The following GABPB1 variants were observed in gnomAD, a reference collection of about 807,000 sequenced individuals.
The protein encoded by GABPB1 is GA-binding protein subunit beta-1.
GABPB1 carries 15 observed loss-of-function variants against 45.9 expected under a neutral mutation model. The ratio of observed to expected loss-of-function variants is 0.33; its 90% confidence interval spans 0.22 to 0.50. The LOEUF is 0.50. GABPB1 is among the 20% of genes least tolerant of loss of function. The probability of loss-of-function intolerance (pLI) is 0.98; values close to 1 mark genes in which losing one functional copy is unlikely to be tolerated. For synonymous variants in GABPB1, 143 were observed against 154.4 expected (o/e 0.93, Z 0.55); for missense variants, 252 against 457.5 (o/e 0.55, Z 4.10).
intron 1 of GABPB1, among the ~76,000 whole-genome samples, chr15:50,328,606 A>G (rs796551009): frequency 3.9e-5 from 6 of 152,346 alleles, no homozygotes; most frequent in African/African-American, 9.6e-5. Context: ...TACTAAGAAT[A>G]ATAGCTAGGT....
At chr15:50,328,152 G>A (rs188380142) in intron 1 of GABPB1, among the ~76,000 whole-genome samples, 93 of 150,884 alleles carry the variant, frequency 6.2e-4, no homozygotes, top group African/African-American at 2.0e-3. Context: ...ATGTGTGTTT[G>A]TGTGTTTGAT....
Position 50,275,969 on chromosome 15 carries a change from G to C in GABPB1, c.*2663C>G, listed in dbSNP as rs970562537. On this transcript the variant is annotated 3_prime_UTR_variant, in exon 9 of 9. Transcript: ENST00000380877. ...CTGAATAAAGTAATTGGGCAGTCAAGATGCCTAACGAACTCAGTGTCTGGA... is the reference window on the plus strand; with the variant it reads ...CTGAATAAAGTAATTGGGCAGTCAACATGCCTAACGAACTCAGTGTCTGGA... The C allele has an allele frequency of 1.3e-5, 2 of 152,182 alleles. No individual in the cohort carries two copies. The highest frequency in any genetic ancestry group is 1.3e-4 in the Admixed American group (2 of 15,284). 9.4% of individuals were successfully genotyped at this position (152,182 alleles called of 1,614,324 possible).
At chr15:50,301,496 T>A in intron 4 of GABPB1, 128 bp from the exon 5 acceptor site, 1 of 858,954 alleles carries the variant, frequency 1.2e-6, no homozygotes, top group Non-Finnish European at 1.8e-6. Flanking sequence ...AGTGGAAATA[T>A]TTGTCTAAGG....
In GABPB1 at chr15:50,346,165, G is replaced by GA. The variant is rs138447604; in HGVS notation, c.-1+8819dup. On this transcript the variant is annotated intron_variant, in intron 1 of 8. Coordinates refer to ENST00000380877, the MANE Select transcript of GABPB1 (RefSeq NM_016654.5). ...AACAGTGATTTGTCATGGTTACAATGAAAAAAAAATGTGCAAGCTTGTACC... is the reference window on the plus strand; with the variant it reads ...AACAGTGATTTGTCATGGTTACAATGAAAAAAAAAATGTGCAAGCTTGTACC... Among the ~76,000 whole-genome samples the GA allele has an allele frequency of 9.4e-3, 1,411 of 150,564 alleles. 8 individuals are homozygous for GA. The highest frequency in any genetic ancestry group is 0.015 in the African/African-American group (616 of 41,118).
In GABPB1 at chr15:50,277,617, CA is replaced by C. The variant is rs1168056073; in HGVS notation, c.*1014del. 6.6e-6 allele frequency: 1 copy of C among 152,552 alleles called. No homozygotes were observed. Among genetic ancestry groups the C allele is most frequent in the African/African-American group, 2.4e-5 (1 of 41,448 alleles). The allele number at this position is 152,552 out of a possible 1,614,324, so 9.4% of individuals were successfully genotyped here. A position where few individuals can be genotyped will look rare whatever the true frequency, so the allele number is the denominator to read the frequency against. On this transcript the variant is annotated 3_prime_UTR_variant, in exon 9 of 9. Coordinates refer to ENST00000380877, the MANE Select transcript of GABPB1 (RefSeq NM_016654.5). Reference sequence around the variant, plus strand: ...ATACAAAAAGTTCCTGTTCTACATACAAAAGCAATTTTTTTCCGTAAGAATC... The same window carrying C: ...ATACAAAAAGTTCCTGTTCTACATACAAAGCAATTTTTTTCCGTAAGAATC...
intron 1 of GABPB1, chr15:50,354,213 C>T: frequency 2.9e-6 from 1 of 339,832 alleles, no homozygotes; most frequent in South Asian, 2.1e-5. Context: ...TGGCAAAATT[C>T]TCAACTTCTT....
chr15:50,338,229 G>A (rs1277549382), intron 1 of GABPB1, among the ~76,000 whole-genome samples: 13 of 151,814 alleles, frequency 8.6e-5, no homozygotes, highest in African/African-American at 2.2e-4. Context: ...TAGTACAGAC[G>A]GGGTTTCACC....
chr15:50,319,820 AGAGT>A (rs2047494467), intron 1 of GABPB1, among the ~76,000 whole-genome samples: 1 of 151,900 alleles, frequency 6.6e-6, no homozygotes. Flanking sequence ...CCCAGGCGAC[AGAGT>A]GAGACTCCGT....
intron 1 of GABPB1, among the ~76,000 whole-genome samples, chr15:50,311,093 T>C (rs939780298): frequency 6.6e-6 from 1 of 152,160 alleles, no homozygotes; most frequent in Non-Finnish European, 1.5e-5. Flanking sequence ...TATTTGTGTC[T>C]TCTTGAATAA....
Position 50,336,353 on chromosome 15 carries a change from C to CAAAA in GABPB1, c.-1+18628_-1+18631dup, listed in dbSNP as rs1178314012. 2.6e-5 allele frequency among the ~76,000 whole-genome samples: 3 copies of CAAAA among 115,888 alleles called. 1 individual carries two copies. The highest frequency in any genetic ancestry group is 2.7e-4 in the South Asian group (1 of 3,730). 76.0% of individuals were successfully genotyped at this position (115,888 alleles called of 152,430 possible). A position where few individuals can be genotyped will look rare whatever the true frequency, so the allele number is the denominator to read the frequency against. Reference sequence around the variant, plus strand: ...TGGGCAACAGAGCGAGACTCTGTCCCAAAAAAAAAAAAAAAAAAATTATTT... The same window carrying CAAAA: ...TGGGCAACAGAGCGAGACTCTGTCCCAAAAAAAAAAAAAAAAAAAAAAATTATTT... On this transcript the variant is annotated intron_variant, in intron 1 of 8. Transcript: ENST00000380877.
At chr15:50,337,075 G>GTGTATATATATATATA (rs1283881585) in intron 1 of GABPB1, among the ~76,000 whole-genome samples, 2 of 14,206 alleles carry the variant, frequency 1.4e-4, no homozygotes, top group African/African-American at 2.9e-4. Context: ...ATATGTGTGT[G>GTGTATATATATATATA]TATATATATA....
chr15:50,344,812 T>G (rs928465428), intron 1 of GABPB1, among the ~76,000 whole-genome samples: 2 of 152,070 alleles, frequency 1.3e-5, no homozygotes, highest in Admixed American at 6.6e-5. Context: ...CACTCCAGCT[T>G]GGGCAACAAG....
chr15:50,338,633 C>T (rs1471251912), intron 1 of GABPB1, among the ~76,000 whole-genome samples: 2 of 151,952 alleles, frequency 1.3e-5, no homozygotes, highest in East Asian at 3.9e-4. Context: ...ACCACCATGC[C>T]CAACTAATTT....
At chr15:50,300,191 A>G (rs2046677752) in intron 6 of GABPB1, among the ~76,000 whole-genome samples, 1 of 152,138 alleles carries the variant, frequency 6.6e-6, no homozygotes. Flanking sequence ...TGTGAGCCAC[A>G]CAAGTTTTGT....
intron 1 of GABPB1, among the ~76,000 whole-genome samples, chr15:50,344,833 C>T (rs934587114): frequency 7.3e-5 from 11 of 151,692 alleles, no homozygotes; most frequent in African/African-American, 1.9e-4. Context: ...AATGAAACTC[C>T]GTCTCAAAAA....
At chr15:50,341,922 T>TC (rs2048388415) in intron 1 of GABPB1, among the ~76,000 whole-genome samples, 1 of 152,190 alleles carries the variant, frequency 6.6e-6, no homozygotes, top group Admixed American at 6.5e-5. Flanking sequence ...AAGTGGTAAC[T>TC]CCAACGCGTC....
intron 1 of GABPB1, among the ~76,000 whole-genome samples, chr15:50,337,430 T>G (rs895803418): frequency 6.6e-6 from 1 of 152,038 alleles, no homozygotes; most frequent in Non-Finnish European, 1.5e-5. Flanking sequence ...AACTCTCTTC[T>G]CTTCAGACAT....
chr15:50,281,162 T>G (rs752836823), intron 8 of GABPB1, among the ~76,000 whole-genome samples: 9 of 152,250 alleles, frequency 5.9e-5, no homozygotes, highest in Non-Finnish European at 8.8e-5. Flanking sequence ...TCATTAGCAC[T>G]GCATGCTGAA....
At chr15:50,311,623 C>T (rs55774471) in intron 1 of GABPB1, among the ~76,000 whole-genome samples, 11,601 of 142,232 alleles carry the variant, frequency 0.082, 1,334 homozygotes, top group African/African-American at 0.27. Flanking sequence ...TGCAAATATT[C>T]CAAAATCTGA....
Sources: gnomAD v4.1 joint callset for allele counts (sites outside exome capture counted in the v4.1 genomes callset) on GRCh38, gnomAD v4.1.1 for gene constraint, MANE v1.5 for transcripts, NCBI Gene and HGNC (gene_info 2026-07-23, HGNC 2026-07-21) for gene names.